Variants in SORCS3 observed in about 807,000 individuals in gnomAD.
SORCS3 encodes VPS10 domain-containing receptor SorCS3.
SORCS3 carries 57 observed loss-of-function variants against 146.3 expected under a neutral mutation model. That is an observed-to-expected ratio of 0.39 (90% CI 0.31 to 0.49). The LOEUF is 0.49. Among genes scored for constraint, SORCS3 ranks in the 20% least tolerant of loss-of-function variants. SORCS3 has a pLI of 0.92. For missense variants in SORCS3, 1,341 were observed against 1,575.5 expected (o/e 0.85, Z 2.52); for synonymous variants, 653 against 618.5 (o/e 1.06, Z -0.83).
At position 105,100,635 on chromosome 10, in the gene SORCS3, C is replaced by T. The variant is rs71473545; in HGVS notation, c.1094-4762C>T. 4.3e-3 allele frequency among the ~76,000 whole-genome samples: 656 copies of T among 152,214 alleles called. 4 individuals carry two copies. The highest frequency in any genetic ancestry group is 5.9e-3 in the Non-Finnish European group (400 of 68,014). On this transcript the variant is annotated intron_variant, in intron 6 of 26. Transcript: ENST00000369701. ...CAGCCCATATACTTTCTTTCTTGTC[C>T]GAACATCCATTGCACTTAAGGTAAA...
intron 4 of SORCS3, among the ~76,000 whole-genome samples, chr10:105,031,060 C>T (rs949751132): frequency 1.2e-3 from 180 of 150,938 alleles, no homozygotes; most frequent in Middle Eastern, 0.01. Flanking sequence ...TTTGGGAGGC[C>T]GAGGTGGGCG....
intron 4 of SORCS3, among the ~76,000 whole-genome samples, chr10:105,009,010 G>C (rs1283292585): frequency 1.3e-5 from 2 of 152,152 alleles, no homozygotes; most frequent in Non-Finnish European, 2.9e-5. Context: ...GGAGAACTAT[G>C]AATACAGACA....
At chr10:104,834,424 C>G (rs1054013548) in intron 1 of SORCS3, among the ~76,000 whole-genome samples, 2 of 152,126 alleles carry the variant, frequency 1.3e-5, no homozygotes, top group African/African-American at 4.8e-5. Flanking sequence ...TTTGCATCTG[C>G]TGCTGCTTCT....
chr10:105,185,420 C>G (rs1219019735), intron 14 of SORCS3, among the ~76,000 whole-genome samples: 1 of 152,142 alleles, frequency 6.6e-6, no homozygotes, highest in Non-Finnish European at 1.5e-5. Flanking sequence ...CCACTTCGGA[C>G]AGGGTATGCT....
At chr10:104,839,312 G>T (rs1483417566) in intron 1 of SORCS3, among the ~76,000 whole-genome samples, 10 of 152,126 alleles carry the variant, frequency 6.6e-5, no homozygotes, top group African/African-American at 2.4e-4. Flanking sequence ...GAACATTTTT[G>T]ATGTCTGGGA....
intron 8 of SORCS3, among the ~76,000 whole-genome samples, chr10:105,145,866 A>T (rs1232705711): frequency 6.6e-6 from 1 of 151,600 alleles, no homozygotes; most frequent in Non-Finnish European, 1.5e-5. Context: ...TTGCTTTTCT[A>T]CTTCTCTCAT....
At chr10:104,860,274 A>G (rs1407689550) in intron 2 of SORCS3, among the ~76,000 whole-genome samples, 1 of 116,244 alleles carries the variant, frequency 8.6e-6, no homozygotes, top group South Asian at 3.0e-4. Flanking sequence ...TTGTAGGGAC[A>G]TGGATGAAAT....
chr10:105,202,011 G>T (rs1302549970), intron 16 of SORCS3, among the ~76,000 whole-genome samples: 1 of 152,080 alleles, frequency 6.6e-6, no homozygotes, highest in African/African-American at 2.4e-5. Context: ...CAGGCCATCT[G>T]CAAGTCCTTG....
chr10:104,983,800 C>T (rs1419755108), intron 4 of SORCS3, among the ~76,000 whole-genome samples: 1 of 151,964 alleles, frequency 6.6e-6, no homozygotes, highest in Non-Finnish European at 1.5e-5. Context: ...TCTGCCCGAC[C>T]AGGCCAGGCC....
intron 19 of SORCS3, among the ~76,000 whole-genome samples, chr10:105,219,240 G>A (rs549413600): frequency 6.6e-6 from 1 of 152,230 alleles, no homozygotes; most frequent in African/African-American, 2.4e-5. Flanking sequence ...GGCTCAGGGG[G>A]CAAAGTCTAG....
Position 104,739,585 on chromosome 10 carries a change from G to A in SORCS3, c.627+97631G>A, listed in dbSNP as rs184953853. On this transcript the variant is annotated intron_variant, in intron 1 of 26. Coordinates refer to ENST00000369701, the MANE Select transcript of SORCS3 (RefSeq NM_014978.3). The stretch of plus-strand genomic sequence containing the variant: ...GGCCATGTCTACAACTCATAGAGTA[G>A]GGTTCTTCACAGTAGTCCCTGCAAC... Among the ~76,000 whole-genome samples the A allele has an allele frequency of 1.7e-4, 26 of 152,306 alleles. 1 individual carries two copies. Among genetic ancestry groups the A allele is most frequent in the Admixed American group, 6.5e-5 (1 of 15,306 alleles).
chr10:104,733,969 C>G (rs2016738891), intron 1 of SORCS3, among the ~76,000 whole-genome samples: 1 of 152,096 alleles, frequency 6.6e-6, no homozygotes, highest in Admixed American at 6.5e-5. Flanking sequence ...TTATAAGGGT[C>G]CTGATGTCCT....
intron 3 of SORCS3, among the ~76,000 whole-genome samples, chr10:104,929,465 A>G (rs963846900): frequency 2.0e-5 from 3 of 152,188 alleles, no homozygotes; most frequent in Admixed American, 6.5e-5. Flanking sequence ...AAACAATAAC[A>G]AACTCCTCCT....
intron 2 of SORCS3, among the ~76,000 whole-genome samples, chr10:104,875,888 G>T (rs554016419): frequency 3.9e-5 from 6 of 152,272 alleles, no homozygotes; most frequent in South Asian, 4.1e-4. Context: ...TAACATGAAG[G>T]TGAAGCCTTA....
chr10:105,200,558 CAATGGTAGAT>C (rs1175360261), intron 15 of SORCS3, among the ~76,000 whole-genome samples: 4 of 152,102 alleles, frequency 2.6e-5, no homozygotes, highest in Non-Finnish European at 5.9e-5. Flanking sequence ...GTAGGTCTAG[CAATGGTAGAT>C]ATTTACTGCT....
intron 7 of SORCS3, among the ~76,000 whole-genome samples, chr10:105,107,206 C>T (rs1468149508): frequency 3.9e-5 from 6 of 152,148 alleles, no homozygotes; most frequent in South Asian, 4.1e-4. Context: ...ATTAAATGAA[C>T]CCACAGCCTC....
chr10:105,253,054 T>C (rs2056910630), intron 23 of SORCS3, 148 bp downstream of exon 23: 1 of 825,208 alleles, frequency 1.2e-6, no homozygotes, highest in Non-Finnish European at 1.8e-6. Flanking sequence ...TTACCCAGAG[T>C]AAATACAGGT....
At chr10:104,947,569 T>TA (rs1235041544) in intron 3 of SORCS3, among the ~76,000 whole-genome samples, 1 of 152,162 alleles carries the variant, frequency 6.6e-6, no homozygotes, top group South Asian at 2.1e-4. Flanking sequence ...TGGCAGTACT[T>TA]ACAAGGGCCT....
At chr10:105,230,512 A>G (rs975465648) in intron 20 of SORCS3, among the ~76,000 whole-genome samples, 42 of 152,206 alleles carry the variant, frequency 2.8e-4, no homozygotes, top group African/African-American at 9.9e-4. Flanking sequence ...CTCATTGGCA[A>G]CTGGTTCTTC....
Sources: gnomAD v4.1 joint callset for allele counts (sites outside exome capture counted in the v4.1 genomes callset) on GRCh38, gnomAD v4.1.1 for gene constraint, MANE v1.5 for transcripts, NCBI Gene and HGNC (gene_info 2026-07-23, HGNC 2026-07-21) for gene names.